Variants in SUGP1 observed in about 807,000 individuals in gnomAD.
SUGP1 encodes the protein SURP and G-patch domain-containing protein 1.
SUGP1 carries 34 observed loss-of-function variants against 76.5 expected under a neutral mutation model. The observed-to-expected ratio is 0.44, with a 90% confidence interval of 0.34 to 0.59. The LOEUF (loss-of-function observed/expected upper bound fraction) is 0.59, where lower values mean the gene tolerates loss of function less well. Among genes scored for constraint, SUGP1 ranks in the 20% least tolerant of loss-of-function variants. The probability of loss-of-function intolerance (pLI) is 0.01; values close to 1 mark genes in which losing one functional copy is unlikely to be tolerated. For synonymous variants in SUGP1, 326 were observed against 326.2 expected (o/e 1.00, Z 0.01); for missense variants, 752 against 851.7 (o/e 0.88, Z 1.46).
chr19:19,296,888 A>G (rs964255922), intron 8 of SUGP1, 101 bp downstream of exon 8: 1 of 1,074,086 alleles, frequency 9.3e-7, no homozygotes, highest in African/African-American at 1.6e-5. Context: ...AAGGAATGAA[A>G]TTCTGATACA....
rs991436643 is a variant in SUGP1 at position 19,277,166 on chromosome 19, G to A, written c.1782-90C>T. ...AGCTGGGCTCTCAACAGCACCTCCC[G>A]CGGGTGCAGGGCTGGGCTGGGACAT... On this transcript the variant is annotated intron_variant, in intron 12 of 13. Coordinates refer to ENST00000247001, the MANE Select transcript of SUGP1 (RefSeq NM_172231.4). 1.8e-5 allele frequency: 27 copies of A among 1,477,948 alleles called. No individual in the cohort carries two copies. The African/African-American group carries it at 2.1e-4, about 11-fold the overall frequency. The allele number at this position is 1,477,948 out of a possible 1,614,324, so 91.6% of individuals were successfully genotyped here. A position where few individuals can be genotyped will look rare whatever the true frequency, so the allele number is the denominator to read the frequency against.
At chr19:19,282,123 G>T (rs2061103466) in intron 8 of SUGP1, among the ~76,000 whole-genome samples, 1 of 152,134 alleles carries the variant, frequency 6.6e-6, no homozygotes. Flanking sequence ...GGGACTACAG[G>T]CACGTGGCAC....
intron 12 of SUGP1, 63 bp from the exon 13 acceptor site, chr19:19,277,139 A>G: frequency 6.5e-7 from 1 of 1,549,844 alleles, no homozygotes; most frequent in Non-Finnish European, 8.7e-7. Flanking sequence ...GGGGCCGGGC[A>G]CAGCTGGGCT....
chr19:19,301,092 T>C (rs1046528074), intron 7 of SUGP1, among the ~76,000 whole-genome samples: 3 of 152,168 alleles, frequency 2.0e-5, no homozygotes, highest in Admixed American at 1.3e-4. Flanking sequence ...ACATGATGAC[T>C]TGGAGTGGAC....
At chr19:19,311,054 ATTTT>A (rs35467129) in intron 2 of SUGP1, among the ~76,000 whole-genome samples, 1 of 137,848 alleles carries the variant, frequency 7.3e-6, no homozygotes, top group Non-Finnish European at 1.6e-5. Context: ...TAATTTTTTA[ATTTT>A]TTTTTTTTTT....
intron 12 of SUGP1, 31 bp downstream of exon 12, chr19:19,277,703 T>G (rs770147826): frequency 3.7e-6 from 6 of 1,609,800 alleles, no homozygotes; most frequent in Non-Finnish European, 5.1e-6. Flanking sequence ...CCCAAGTTCA[T>G]GGCCATGCCC....
In SUGP1 at chr19:19,318,113, C is replaced by CTTTTCTTTTTTTTT. The variant is rs55849619; in HGVS notation, c.35-1521_35-1520insAAAAAAAAAGAAAA. 2.4e-4 allele frequency among the ~76,000 whole-genome samples: 23 copies of CTTTTCTTTTTTTTT among 97,674 alleles called. 3 individuals carry two copies. The highest frequency in any genetic ancestry group is 6.0e-4 in the East Asian group (2 of 3,322). The allele number at this position is 97,674 out of a possible 152,430, so 64.1% of individuals were successfully genotyped here. ...GGCGTGAGCCACCGAACCCAGCCTT[C>CTTTTCTTTTTTTTT]TTTTTTTTTTTTTTTTTTTTTGAGA... On this transcript the variant is annotated intron_variant, in intron 1 of 13. Transcript: ENST00000247001.
intron 7 of SUGP1, 67 bp from the exon 8 acceptor site, chr19:19,297,411 G>C: frequency 7.3e-7 from 1 of 1,373,054 alleles, no homozygotes; most frequent in Non-Finnish European, 9.8e-7. Flanking sequence ...TTCTGGGCAG[G>C]AGCAGTTCTG....
chr19:19,307,706 T>C (rs973292366), intron 3 of SUGP1, among the ~76,000 whole-genome samples: 2 of 152,050 alleles, frequency 1.3e-5, no homozygotes, highest in African/African-American at 4.8e-5. Context: ...TTGCCCAGGC[T>C]GGAGTGCAGT....
intron 8 of SUGP1, among the ~76,000 whole-genome samples, chr19:19,296,253 A>G (rs935528955): frequency 6.6e-6 from 1 of 152,170 alleles, no homozygotes; most frequent in Non-Finnish European, 1.5e-5. Flanking sequence ...CAGGTTCCTC[A>G]AAGTTAAAAG....
At chr19:19,307,420 A>C (rs557017525) in intron 3 of SUGP1, among the ~76,000 whole-genome samples, 1 of 152,240 alleles carries the variant, frequency 6.6e-6, no homozygotes, top group South Asian at 2.1e-4. Context: ...AGCTGCTTAC[A>C]GAACTCAATG....
intron 2 of SUGP1, among the ~76,000 whole-genome samples, chr19:19,312,963 C>A (rs1248667602): frequency 6.6e-6 from 1 of 150,890 alleles, no homozygotes; most frequent in Non-Finnish European, 1.5e-5. Flanking sequence ...GCACTCCAGC[C>A]TGGGCAACAG....
At chr19:19,282,510 A>G (rs537986611) in intron 8 of SUGP1, among the ~76,000 whole-genome samples, 1 of 151,754 alleles carries the variant, frequency 6.6e-6, no homozygotes, top group South Asian at 2.1e-4. Flanking sequence ...CACTTCATGG[A>G]GGGGACCATT....
At chr19:19,281,836 C>T (rs1474691004) in intron 8 of SUGP1, among the ~76,000 whole-genome samples, 1 of 152,186 alleles carries the variant, frequency 6.6e-6, no homozygotes, top group East Asian at 1.9e-4. Flanking sequence ...AGACCACCCC[C>T]CAACCCTTGT....
chr19:19,308,166 G>T (rs1316870129), intron 3 of SUGP1, among the ~76,000 whole-genome samples: 1 of 151,916 alleles, frequency 6.6e-6, no homozygotes, highest in Non-Finnish European at 1.5e-5. Context: ...CATTAGTTGG[G>T]GTTAAAGTTA....
At chr19:19,277,099 G>A in intron 12 of SUGP1, 23 bp from the exon 13 acceptor site, 1 of 1,599,330 alleles carries the variant, frequency 6.3e-7, no homozygotes, top group South Asian at 1.1e-5. Flanking sequence ...GAGGATGTGA[G>A]CAGGGACCTG....
rs559674821 is a variant in SUGP1 at position 19,315,324 on chromosome 19, T to C, written c.206+1098A>G. Among the ~76,000 whole-genome samples, 12 of 150,416 alleles carry C rather than the reference T, an allele frequency of 8.0e-5. No individual in the cohort carries two copies. In the East Asian group the frequency reaches 2.2e-3, roughly 27 times the overall value. On this transcript the variant is annotated intron_variant, in intron 2 of 13. Coordinates refer to ENST00000247001, the MANE Select transcript of SUGP1 (RefSeq NM_172231.4). ...GCCTGGGTGACAGAGCAAAACCCTG[T>C]CTCAAAGAAAAAAAAAAAGGAAAAG... is the stretch of plus-strand genomic sequence containing the variant.
chr19:19,290,216 T>C (rs1005816110), intron 8 of SUGP1, among the ~76,000 whole-genome samples: 1 of 152,074 alleles, frequency 6.6e-6, no homozygotes, highest in Non-Finnish European at 1.5e-5. Flanking sequence ...TCCCAAGTGA[T>C]GGAGGAAGGC....
chr19:19,277,115 A>G, intron 12 of SUGP1, 39 bp from the exon 13 acceptor site: 1 of 1,587,380 alleles, frequency 6.3e-7, no homozygotes, highest in Non-Finnish European at 8.5e-7. Flanking sequence ...ACCTGGGGCC[A>G]GAACTCTGGC....
Sources: allele counts gnomAD v4.1 joint callset (sites outside exome capture counted in the v4.1 genomes callset), GRCh38; gene constraint gnomAD v4.1.1; transcripts MANE v1.5; gene names NCBI Gene and HGNC (gene_info 2026-07-23, HGNC 2026-07-21).